SIGLEC6: variants seen among roughly 807,000 people sequenced by gnomAD.
SIGLEC6 encodes sialic acid binding Ig like lectin 6.
A neutral mutation model predicts 41.4 loss-of-function variants in SIGLEC6; 31 were observed. The ratio of observed to expected loss-of-function variants is 0.75; its 90% CI spans 0.56 to 1.01. The LOEUF (loss-of-function observed/expected upper bound fraction) is 1.01. Among genes scored for constraint, SIGLEC6 ranks in the 50% least tolerant of loss-of-function variants. The pLI is 0.00. For missense variants in SIGLEC6, 555 were observed against 558.6 expected, an observed-to-expected ratio of 0.99 and a Z score of 0.06; for synonymous variants, 217 against 231.0, an observed-to-expected ratio of 0.94 and a Z score of 0.55.
In SIGLEC6 at chr19:51,529,768, T is replaced by A. The variant is rs375087916; in HGVS notation, c.968A>T (p.His323Leu). The change falls in exon 5 of 8, where the codon CAT (histidine) becomes CTT (leucine). Residue 323 changes from histidine to leucine, a missense_variant. Physicochemically the swap from His to Leu is moderately conservative, Grantham distance 99. Transcript: ENST00000425629. Reference sequence around the variant, plus strand: ...AGAGATTTGCAGGGAGCCCAGAGGATGCTGAGCACGGCAGGTGAAATCTCC... The same window carrying A: ...AGAGATTTGCAGGGAGCCCAGAGGAAGCTGAGCACGGCAGGTGAAATCTCC... The part of the protein sequence containing the change: ...EEGDFTCRAQ[H>L]PLGSLQISLS... 6.2e-7 allele frequency: 1 copy of A among 1,614,052 alleles called. No individual in the cohort carries two copies. Among genetic ancestry groups the A allele is most frequent in the Non-Finnish European group, 8.5e-7 (1 of 1,180,038 alleles).
chr19:51,524,652 T>C (rs1978894215), intron 7 of SIGLEC6, among the ~76,000 whole-genome samples: 1 of 152,238 alleles, frequency 6.6e-6, no homozygotes, highest in Non-Finnish European at 1.5e-5. Flanking sequence ...TGATTTTTCA[T>C]GTACTTATAC....
intron 7 of SIGLEC6, among the ~76,000 whole-genome samples, chr19:51,526,594 A>G (rs1462902719): frequency 1.3e-5 from 2 of 152,226 alleles, no homozygotes; most frequent in Non-Finnish European, 2.9e-5. Context: ...CACATAAATG[A>G]GAAAGAACCA....
chr19:51,523,734 G>A (rs1217144763), intron 7 of SIGLEC6, among the ~76,000 whole-genome samples: 1 of 152,176 alleles, frequency 6.6e-6, no homozygotes, highest in Non-Finnish European at 1.5e-5. Context: ...TTAAAAGTAA[G>A]GGTCCGCTGG....
At chr19:51,529,624 C>A in intron 5 of SIGLEC6, 100 bp downstream of exon 5, 1 of 1,496,542 alleles carries the variant, frequency 6.7e-7, no homozygotes, top group Non-Finnish European at 9.1e-7. Flanking sequence ...TGTGAGGGGT[C>A]TGGGGAGGGA....
rs1449453163 is a variant in SIGLEC6, at chr19:51,527,795, T to C, written c.1140A>G (p.Pro380=). ...VKTRRKKAAQ[P]VQNTDDVNPV... Reference sequence around the variant, plus strand: ...GGTTCACATCATCCGTGTTTTGCACTGGCTGGGCTGCTTTCTTCCTTCTAG... The same window carrying C: ...GGTTCACATCATCCGTGTTTTGCACCGGCTGGGCTGCTTTCTTCCTTCTAG... The change falls in exon 7 of 8, where the codon CCA becomes CCG. Residue 380 remains proline, a synonymous_variant. Transcript: ENST00000425629. 4 of 1,614,014 alleles carry C rather than the reference T, an allele frequency of 2.5e-6. No individual in the cohort carries two copies. The highest frequency in any genetic ancestry group is 3.4e-6 in the Non-Finnish European group (4 of 1,180,036).
In SIGLEC6 at chr19:51,531,178, G is replaced by A; in HGVS notation, c.409C>T (p.Leu137Phe). 6.3e-7 allele frequency: 1 copy of A among 1,592,756 alleles called. No individual in the cohort carries two copies. Among genetic ancestry groups the A allele is most frequent in the Non-Finnish European group, 8.6e-7 (1 of 1,168,088 alleles). ...WMKYGYTSSK[L>F]SVRVMALTHR... is the part of the protein sequence containing the mutation. ...TCCTTACCCATCACACGCACAGAGA[G>A]CTTGGAAGATGTATAACCGTATTTC... The change falls in exon 2 of 8, where the codon CTC (leucine) becomes TTC (phenylalanine). Residue 137 changes from leucine (L) to phenylalanine (F), a missense_variant. Physicochemically the swap from Leu to Phe is conservative, Grantham distance 22. Coordinates refer to ENST00000425629, the MANE Select transcript of SIGLEC6 (RefSeq NM_001245.7).
intron 4 of SIGLEC6, 55 bp downstream of exon 4, chr19:51,530,382 G>A: frequency 6.7e-7 from 1 of 1,499,602 alleles, no homozygotes; most frequent in Non-Finnish European, 9.3e-7. Flanking sequence ...ATCCCCGTTA[G>A]TCCCCACTCT....
At chr19:51,527,059 C>T (rs573761606) in intron 7 of SIGLEC6, among the ~76,000 whole-genome samples, 74 of 152,306 alleles carry the variant, frequency 4.9e-4, no homozygotes, top group African/African-American at 1.7e-3. Context: ...GAGACCAAAT[C>T]TACAACTCAT....
Position 51,527,642 on chromosome 19 carries a change from C to T in SIGLEC6, c.1188+105G>A, listed in dbSNP as rs769630126. On this transcript the variant is annotated intron_variant, in intron 7 of 7. Coordinates refer to ENST00000425629, the MANE Select transcript of SIGLEC6 (RefSeq NM_001245.7). ...AAATTTAAAATGTCACATGTGGAAC[C>T]GCAGGGAATGTCAGGTGTTAATGAA... 106 of 872,938 alleles carry T rather than the reference C, an allele frequency of 1.2e-4. 2 individuals carry two copies. The highest frequency in any genetic ancestry group is 9.2e-4 in the South Asian group (54 of 58,812). The allele number at this position is 872,938 out of a possible 1,614,324, so 54.1% of individuals were successfully genotyped here. A position where few individuals can be genotyped will look rare whatever the true frequency, so the allele number is the denominator to read the frequency against.
At chr19:51,520,312 G>C in intron 7 of SIGLEC6, 57 bp from the exon 8 acceptor site, 1 of 1,310,754 alleles carries the variant, frequency 7.6e-7, no homozygotes, top group South Asian at 1.9e-5. Context: ...AAAGAAAGCA[G>C]CCAAGGATCA....
chr19:51,530,304 G>A, intron 4 of SIGLEC6, 133 bp downstream of exon 4: 15 of 831,530 alleles, frequency 1.8e-5, no homozygotes. Context: ...ACAAAGGCTG[G>A]GGGTGAGCAA....
chr19:51,521,121 G>A (rs62116204), intron 7 of SIGLEC6, among the ~76,000 whole-genome samples: 9,870 of 152,216 alleles, frequency 0.065, 362 homozygotes, highest in South Asian at 0.13. Context: ...AACAGAGACC[G>A]GGTCCTGCAG....
chr19:51,526,838 C>T (rs2864102), intron 7 of SIGLEC6, among the ~76,000 whole-genome samples: 106,210 of 151,984 alleles, frequency 0.7, 37,622 homozygotes, highest in African/African-American at 0.79. Context: ...GAAATAGCCA[C>T]CTTAAGAAAG....
Position 51,518,043 on chromosome 19 carries a change from A to AT in SIGLEC6, c.*2038dup, listed in dbSNP as rs993745616. Among the ~76,000 whole-genome samples the AT allele has an allele frequency of 2.0e-4, 31 of 151,774 alleles. No individual in the cohort carries two copies. The highest frequency in any genetic ancestry group is 6.3e-4 in the African/African-American group (26 of 41,408). ...ATATTTGCTACTTTCCTAGGTTTTC[A>AT]TTTTTTTTGGATCTCAAAAATCTAA... is the stretch of plus-strand genomic sequence containing the variant. On this transcript the variant is annotated 3_prime_UTR_variant, in exon 8 of 8. Coordinates refer to ENST00000425629, the MANE Select transcript of SIGLEC6 (RefSeq NM_001245.7).
In SIGLEC6 at chr19:51,530,830, G is replaced by C. The variant is rs373743652; in HGVS notation, c.557C>G (p.Ala186Gly). 6.2e-6 allele frequency: 10 copies of C among 1,614,048 alleles called. No homozygotes were observed. In the Admixed American group the frequency reaches 1.7e-4, roughly 27 times the overall value. ...TPPIFSWMSA[A>G]PTSLGPRTTQ... ...GGTCCTGGGGCCCAGGGAGGTGGGG[G>C]CAGCTGACATCCAGGAGAAGATGGG... Residue 186 changes from alanine to glycine, a missense_variant, in exon 3 of 8, where the codon GCC becomes GGC. Ala to Gly is a moderately conservative substitution (Grantham distance 60). Transcript: ENST00000425629.
rs758191484 is a variant in SIGLEC6, at chr19:51,531,475, ACT to A, written c.110_111del (p.Glu37ValfsTer36). 1.2e-6 allele frequency: 2 copies of A among 1,613,604 alleles called. No individual in the cohort carries two copies. The highest frequency in any genetic ancestry group is 1.7e-6 in the Non-Finnish European group (2 of 1,179,810). On this transcript the variant is annotated frameshift_variant, in exon 2 of 8. Transcript: ENST00000425629. LOFTEE classifies it high-confidence loss of function. ...CACAGACCCTCCTGCACCGTCAGTG[ACT>A]CTGGCCCCTCCAGCTGGAATCTCCG... Reference protein sequence around the residue: ...QERRFQLEGPESLTVQEGLCV... With the variant: ...QERRFQLEGPXSLTVQEGLCV...
rs1239817365 is a variant in SIGLEC6, at chr19:51,519,959, C to T, written c.*123G>A. On this transcript the variant is annotated 3_prime_UTR_variant, in exon 8 of 8. Transcript: ENST00000425629. ...CAGACCTCTAACATCTGAAACTATA[C>T]GAAAATAAAGTTCTGTGTTTATGTC... 2.9e-5 allele frequency: 26 copies of T among 890,116 alleles called. No homozygotes were observed. The East Asian group carries it at 4.3e-4, about 15-fold the overall frequency. 55.1% of individuals were successfully genotyped at this position (890,116 alleles called of 1,614,324 possible).
At chr19:51,527,247 G>T (rs1196069646) in intron 7 of SIGLEC6, among the ~76,000 whole-genome samples, 1 of 152,080 alleles carries the variant, frequency 6.6e-6, no homozygotes, top group Non-Finnish European at 1.5e-5. Context: ...CAGTCATCAG[G>T]TTCTCCAAGG....
Position 51,519,704 on chromosome 19 carries a change from C to T in SIGLEC6, c.*378G>A, listed in dbSNP as rs1990755648. ...TTCATATGTTGGAAGTCCTAAATCT[C>T]AATATCTCAGAAGGTTACTGTATTT... On this transcript the variant is annotated 3_prime_UTR_variant, in exon 8 of 8. Coordinates refer to ENST00000425629, the MANE Select transcript of SIGLEC6 (RefSeq NM_001245.7). 6.5e-6 allele frequency: 1 copy of T among 153,688 alleles called. No homozygotes were observed. The highest frequency in any genetic ancestry group is 2.4e-5 in the African/African-American group (1 of 41,520). The allele number at this position is 153,688 out of a possible 1,614,324, so 9.5% of individuals were successfully genotyped here.
Sources: gnomAD v4.1 joint callset for allele counts (sites outside exome capture counted in the v4.1 genomes callset) on GRCh38, gnomAD v4.1.1 for gene constraint, MANE v1.5 for transcripts, NCBI Gene and HGNC (gene_info 2026-07-23, HGNC 2026-07-21) for gene names.